THSD7B: variants seen among roughly 807,000 people sequenced by gnomAD.
THSD7B encodes thrombospondin type-1 domain-containing protein 7B.
Under a neutral mutation model 213.6 loss-of-function variants are expected in THSD7B, and 138 were observed. The ratio of observed to expected loss-of-function variants is 0.65; its 90% CI spans 0.56 to 0.74. THSD7B has a LOEUF of 0.74. THSD7B is among the 30% of genes least tolerant of loss of function. The probability of loss-of-function intolerance (pLI) is 0.00; values close to 1 mark genes in which losing one functional copy is unlikely to be tolerated. For synonymous variants in THSD7B, 742 were observed against 687.0 expected, an observed-to-expected ratio of 1.08 and a Z score of -1.25; for missense variants, 1,931 against 1,991.5, an observed-to-expected ratio of 0.97 and a Z score of 0.58.
intron 2 of THSD7B, among the ~76,000 whole-genome samples, chr2:136,928,264 A>C (rs1044860719): frequency 1.7e-4 from 26 of 152,348 alleles, no homozygotes; most frequent in Admixed American, 5.2e-4. Flanking sequence ...TATCTCATAT[A>C]ATTCACTGAA....
intron 5 of THSD7B, among the ~76,000 whole-genome samples, chr2:137,135,032 A>G (rs367912035): frequency 2.0e-5 from 3 of 152,294 alleles, no homozygotes; most frequent in East Asian, 3.9e-4. Context: ...TAAGGCTGAT[A>G]CTAATAACAG....
chr2:137,115,428 A>G, intron 5 of THSD7B, 135 bp downstream of exon 5: 1 of 970,208 alleles, frequency 1.0e-6, no homozygotes, highest in Non-Finnish European at 1.4e-6. Flanking sequence ...GACCATTTGT[A>G]TGCCGCCCCT....
At chr2:137,281,132 T>G (rs1682999508) in intron 12 of THSD7B, among the ~76,000 whole-genome samples, 1 of 152,082 alleles carries the variant, frequency 6.6e-6, no homozygotes, top group Non-Finnish European at 1.5e-5. Context: ...CCCTGAGAAA[T>G]GTTTAGGTGG....
At chr2:137,183,796 CTA>C (rs1558950117) in intron 7 of THSD7B, among the ~76,000 whole-genome samples, 1 of 152,078 alleles carries the variant, frequency 6.6e-6, no homozygotes, top group African/African-American at 2.4e-5. Flanking sequence ...GAAAGAACAT[CTA>C]TGGAAAATCA....
At chr2:136,968,295 A>G (rs1476141895) in intron 2 of THSD7B, among the ~76,000 whole-genome samples, 1 of 151,990 alleles carries the variant, frequency 6.6e-6, no homozygotes, top group Non-Finnish European at 1.5e-5. Context: ...AAATTTTTTA[A>G]TTTTTATTTT....
intron 2 of THSD7B, among the ~76,000 whole-genome samples, chr2:136,988,831 A>G (rs1161362904): frequency 1.3e-5 from 2 of 152,192 alleles, no homozygotes; most frequent in Non-Finnish European, 2.9e-5. Flanking sequence ...TCATTCCTCC[A>G]TTTACCAAAC....
At chr2:137,621,119 C>T (rs1325629717) in intron 20 of THSD7B, among the ~76,000 whole-genome samples, 1 of 152,182 alleles carries the variant, frequency 6.6e-6, no homozygotes, top group Non-Finnish European at 1.5e-5. Context: ...GCTTGCTTTT[C>T]ACCCACATAA....
chr2:137,549,308 CTCTT>C (rs368755728), intron 15 of THSD7B, among the ~76,000 whole-genome samples: 3,752 of 99,456 alleles, frequency 0.038, 171 homozygotes, highest in Non-Finnish European at 0.048. Flanking sequence ...TTTTCAGATG[CTCTT>C]TTTTTTTTTT....
intron 12 of THSD7B, among the ~76,000 whole-genome samples, chr2:137,400,054 A>G (rs1196694133): frequency 6.6e-6 from 1 of 152,104 alleles, no homozygotes; most frequent in Non-Finnish European, 1.5e-5. Flanking sequence ...TTTTAAATAA[A>G]TATATCTTAT....
At chr2:136,879,433 GT>G (rs1368272287) in intron 1 of THSD7B, among the ~76,000 whole-genome samples, 4 of 152,186 alleles carry the variant, frequency 2.6e-5, no homozygotes, top group Admixed American at 6.5e-5. Flanking sequence ...CGTTAAAGTA[GT>G]TTTTTCCAAG....
chr2:137,173,272 G>A (rs1680298534), intron 7 of THSD7B, among the ~76,000 whole-genome samples: 1 of 152,150 alleles, frequency 6.6e-6, no homozygotes, highest in African/African-American at 2.4e-5. Flanking sequence ...ATAATAAGGA[G>A]GATTCGAATA....
At chr2:136,783,997 A>T (rs1558803919) in intron 1 of THSD7B, among the ~76,000 whole-genome samples, 2 of 152,240 alleles carry the variant, frequency 1.3e-5, no homozygotes, top group Non-Finnish European at 2.9e-5. Flanking sequence ...AGTGTGAAGC[A>T]TAGGCCACAT....
chr2:137,601,517 T>C (rs1399365517), intron 17 of THSD7B, among the ~76,000 whole-genome samples: 1 of 152,182 alleles, frequency 6.6e-6, no homozygotes, highest in African/African-American at 2.4e-5. Context: ...ATAGCCTAGG[T>C]GTGTACCAGG....
chr2:136,781,443 T>A (rs1183547456), intron 1 of THSD7B, among the ~76,000 whole-genome samples: 2 of 139,196 alleles, frequency 1.4e-5, no homozygotes, highest in Non-Finnish European at 3.2e-5. Flanking sequence ...TTTTTTTTTT[T>A]TAAATTTTTT....
At chr2:137,621,098 A>G (rs985657384) in intron 20 of THSD7B, among the ~76,000 whole-genome samples, 2 of 152,172 alleles carry the variant, frequency 1.3e-5, no homozygotes, top group Non-Finnish European at 2.9e-5. Flanking sequence ...GCTGAGCATA[A>G]TAGATTAGAG....
chr2:137,359,069 A>C (rs1685197800), intron 12 of THSD7B, among the ~76,000 whole-genome samples: 1 of 152,224 alleles, frequency 6.6e-6, no homozygotes. Flanking sequence ...ATAGCCCACA[A>C]GGCCTTCTAC....
At chr2:137,604,552 C>T (rs1682136418) in intron 17 of THSD7B, among the ~76,000 whole-genome samples, 1 of 152,110 alleles carries the variant, frequency 6.6e-6, no homozygotes, top group Non-Finnish European at 1.5e-5. Flanking sequence ...TCCTCTTTTG[C>T]ATCATTTTAA....
At chr2:137,583,908 A>G (rs1367055346) in intron 17 of THSD7B, among the ~76,000 whole-genome samples, 1 of 152,198 alleles carries the variant, frequency 6.6e-6, no homozygotes, top group African/African-American at 2.4e-5. Flanking sequence ...GATGACATTG[A>G]ATCTATAAAT....
chr2:137,550,899 C>T (rs1680834031), intron 15 of THSD7B, among the ~76,000 whole-genome samples: 1 of 151,916 alleles, frequency 6.6e-6, no homozygotes, highest in Non-Finnish European at 1.5e-5. Context: ...ATGCTTAGTA[C>T]CTGGGTAACA....
Sources: allele counts gnomAD v4.1 joint callset (sites outside exome capture counted in the v4.1 genomes callset), GRCh38; gene constraint gnomAD v4.1.1; transcripts MANE v1.5; gene names NCBI Gene and HGNC (gene_info 2026-07-23, HGNC 2026-07-21).